UNK: variants seen among roughly 807,000 people sequenced by gnomAD.
UNK encodes the protein unk zinc finger.
A neutral mutation model predicts 97.6 loss-of-function variants in UNK; 32 were observed. The observed-to-expected ratio is 0.33, with a 90% CI of 0.25 to 0.44. The LOEUF is 0.44. Ranked by LOEUF, UNK falls within the 20% of genes least tolerant of loss-of-function variation. The pLI, the probability that UNK is intolerant of heterozygous loss-of-function variation, is 1.00. For missense variants in UNK, 771 were observed against 1,098.4 expected (o/e 0.70, Z 4.21); for synonymous variants, 441 against 461.2 (o/e 0.96, Z 0.56).
At chr17:75,814,489 CAAAAAA>C (rs59234903) in intron 6 of UNK, among the ~76,000 whole-genome samples, 5 of 70,020 alleles carry the variant, frequency 7.1e-5, no homozygotes, top group African/African-American at 1.8e-4. Flanking sequence ...GAGACTCCAT[CAAAAAA>C]AAAAAAAAAA....
chr17:75,817,225 ACTGAGCCC>A lies in UNK; in HGVS notation c.1105-98_1105-91del, dbSNP rs2062024741. 3.8e-6 allele frequency: 5 copies of A among 1,315,546 alleles called. No homozygotes were observed. Among genetic ancestry groups the A allele is most frequent in the Middle Eastern group, 2.8e-4 (1 of 3,590 alleles). 81.5% of individuals were successfully genotyped at this position (1,315,546 alleles called of 1,614,324 possible). A position where few individuals can be genotyped will look rare whatever the true frequency, so the allele number is the denominator to read the frequency against. ...CTGCTCGTTGGCAGATGAAAGTGGA[ACTGAGCCC>A]CTTGAAGACTCCCTCTGGAGAGGGT... On this transcript the variant is annotated intron_variant, in intron 8 of 15. Transcript: ENST00000589666. The surrounding 1 kb of genome is among the most constrained non-coding windows in gnomAD (Gnocchi z 5.8).
intron 14 of UNK, 107 bp downstream of exon 14, chr17:75,822,765 AAC>A: frequency 7.5e-7 from 1 of 1,329,958 alleles, no homozygotes; most frequent in Non-Finnish European, 9.9e-7. Flanking sequence ...GGGCTGGAAG[AAC>A]AGAGCAGAAA....
At chr17:75,820,414 T>C (rs1238173485) in intron 13 of UNK, among the ~76,000 whole-genome samples, 5 of 152,018 alleles carry the variant, frequency 3.3e-5, no homozygotes, top group African/African-American at 9.6e-5. Context: ...AGAGCAGGGG[T>C]CTCAGTTGCC....
At chr17:75,813,597 G>T (rs1462564323) in intron 5 of UNK, among the ~76,000 whole-genome samples, 164 bp from the exon 6 acceptor site, 1 of 152,206 alleles carries the variant, frequency 6.6e-6, no homozygotes, top group South Asian at 2.1e-4. Context: ...GCCAGGCTGG[G>T]TCAGAGAAAG....
In UNK at chr17:75,812,481, A is replaced by G; in HGVS notation, c.518A>G (p.Gln173Arg). 1 of 1,612,156 alleles carries G rather than the reference A, an allele frequency of 6.2e-7. No homozygotes were observed. Among genetic ancestry groups the G allele is most frequent in the Non-Finnish European group, 8.5e-7 (1 of 1,179,606 alleles). The change falls in exon 4 of 16, where the codon CAG (glutamine) becomes CGG (arginine). Residue 173 changes from glutamine to arginine, a missense_variant. Coordinates refer to ENST00000589666, the MANE Select transcript of UNK (RefSeq NM_001080419.3). ...IRELQAMEAL[Q>R]NGQTTVEGSI... The stretch of plus-strand genomic sequence containing the variant: ...GAGCTTCAGGCCATGGAGGCCTTGC[A>G]GAATGGCCAGACCACGGTAGAGGGG...
At position 75,789,815 on chromosome 17, in the gene UNK, G is replaced by C. The variant is rs2061746722; in HGVS notation, c.104+4831G>C. On this transcript the variant is annotated intron_variant, in intron 1 of 15. Transcript: ENST00000589666. ...GTATCTACAAGTTTAGCTACCTTTT[G>C]GCTTTTTGCTGTATTAACAGTTATA... Among the ~76,000 whole-genome samples, 3 of 152,136 alleles carry C rather than the reference G, an allele frequency of 2.0e-5. No individual in the cohort carries two copies. The Middle Eastern group carries it at 0.01, about 517-fold the overall frequency.
chr17:75,801,401 C>T (rs188196666), intron 1 of UNK, among the ~76,000 whole-genome samples: 1 of 152,036 alleles, frequency 6.6e-6, no homozygotes, highest in Admixed American at 6.6e-5. Context: ...GCTTGTAATC[C>T]CAGCACTTTG....
intron 1 of UNK, among the ~76,000 whole-genome samples, chr17:75,806,476 C>A (rs1372247413): frequency 7.5e-6 from 1 of 132,956 alleles, no homozygotes. Context: ...AAAAAAAAAG[C>A]AAGAGTTAAA....
chr17:75,791,916 A>G, intron 1 of UNK: 1 of 985,438 alleles, frequency 1.0e-6, no homozygotes, highest in Non-Finnish European at 1.2e-6. Flanking sequence ...CACTCTATAA[A>G]GGAGCTCCTT....
intron 14 of UNK, among the ~76,000 whole-genome samples, 155 bp downstream of exon 14, chr17:75,822,813 C>T (rs2062081202): frequency 6.6e-6 from 1 of 152,254 alleles, no homozygotes; most frequent in South Asian, 2.1e-4. Context: ...CCTGGGAGGA[C>T]TCGCTTTGCC....
intron 1 of UNK, among the ~76,000 whole-genome samples, chr17:75,804,807 C>T (rs1380536024): frequency 2.0e-5 from 3 of 152,054 alleles, no homozygotes; most frequent in African/African-American, 7.2e-5. Flanking sequence ...CGCCACTGCA[C>T]TCCAGCCTGG....
chr17:75,823,655 C>T, intron 15 of UNK, 133 bp downstream of exon 15: 2 of 1,293,638 alleles, frequency 1.5e-6, no homozygotes, highest in Non-Finnish European at 1.0e-6. Context: ...GGCCAGCACT[C>T]AAAAGGCCGG....
At position 75,818,895 on chromosome 17, in the gene UNK, A is replaced by C; in HGVS notation, c.1546+79A>C. On this transcript the variant is annotated intron_variant, in intron 11 of 15. Transcript: ENST00000589666. The surrounding 1 kb of genome is among the most constrained non-coding windows in gnomAD (Gnocchi z 5.1). ...CCCCCAGTCTCTGAAGCGAGTCTCA[A>C]ATCAGCACACCAGACCCCTTAGACA... The C allele has an allele frequency of 1.4e-6, 2 of 1,419,510 alleles. No homozygotes were observed. Among genetic ancestry groups the C allele is most frequent in the Non-Finnish European group, 1.9e-6 (2 of 1,071,404 alleles). The allele number at this position is 1,419,510 out of a possible 1,614,324, so 87.9% of individuals were successfully genotyped here. A position where few individuals can be genotyped will look rare whatever the true frequency, so the allele number is the denominator to read the frequency against.
intron 1 of UNK, among the ~76,000 whole-genome samples, chr17:75,796,744 G>C: frequency 6.6e-6 from 1 of 152,200 alleles, no homozygotes; most frequent in East Asian, 1.9e-4. Flanking sequence ...ATGTAGAACT[G>C]ATAATAGTTT....
At chr17:75,788,584 C>T (rs542841533) in intron 1 of UNK, among the ~76,000 whole-genome samples, 1 of 152,288 alleles carries the variant, frequency 6.6e-6, no homozygotes, top group South Asian at 2.1e-4. Context: ...GAACTCCTGA[C>T]CTCGTGATCT....
chr17:75,805,852 T>C (rs895556377), intron 1 of UNK, among the ~76,000 whole-genome samples: 17 of 125,782 alleles, frequency 1.4e-4, no homozygotes, highest in Admixed American at 1.1e-3. Context: ...GTGTATAATA[T>C]ATATGTATGT....
At chr17:75,799,071 CAAAA>C (rs764969741) in intron 1 of UNK, among the ~76,000 whole-genome samples, 1 of 135,250 alleles carries the variant, frequency 7.4e-6, no homozygotes, top group African/African-American at 2.7e-5. Context: ...ATCTCAAAAA[CAAAA>C]AAAAAAAAGA....
At chr17:75,789,120 C>G (rs1426410741) in intron 1 of UNK, among the ~76,000 whole-genome samples, 1 of 149,996 alleles carries the variant, frequency 6.7e-6, no homozygotes, top group Non-Finnish European at 1.5e-5. Context: ...TTTTTTTTTT[C>G]TAAACTCTTG....
chr17:75,820,579 A>G (rs1254894655), intron 13 of UNK, among the ~76,000 whole-genome samples: 3 of 152,208 alleles, frequency 2.0e-5, no homozygotes, highest in Non-Finnish European at 2.9e-5. Flanking sequence ...TGCCGGGCAG[A>G]GGCTCCAGGG....
Sources: allele counts gnomAD v4.1 joint callset (sites outside exome capture counted in the v4.1 genomes callset), GRCh38; gene constraint gnomAD v4.1.1; non-coding constraint Gnocchi (gnomAD v3.1); transcripts MANE v1.5; gene names NCBI Gene and HGNC (gene_info 2026-07-23, HGNC 2026-07-21).